The following TBX5 variants were observed in gnomAD, a reference collection of about 807,000 sequenced individuals.
TBX5 encodes the protein T-box transcription factor TBX5.
A neutral mutation model predicts 51.1 loss-of-function variants in TBX5; 8 were observed. The observed-to-expected ratio is 0.16, with a 90% confidence interval of 0.09 to 0.28. TBX5 has a LOEUF of 0.28. TBX5 is among the 10% of genes least tolerant of loss of function. The pLI, the probability that TBX5 is intolerant of heterozygous loss-of-function variation, is 1.00. For synonymous variants in TBX5, 302 were observed against 266.4 expected (o/e 1.13, Z -1.30); for missense variants, 589 against 671.7 (o/e 0.88, Z 1.36).
rs760764305 is a variant in TBX5 at position 114,405,888 on chromosome 12, C to A, written c.-299G>T. 2.0e-6 allele frequency: 2 copies of A among 985,396 alleles called. No individual in the cohort carries two copies. The highest frequency in any genetic ancestry group is 2.4e-6 in the Non-Finnish European group (2 of 830,014). The allele number at this position is 985,396 out of a possible 1,614,324, so 61.0% of individuals were successfully genotyped here. A position where few individuals can be genotyped will look rare whatever the true frequency, so the allele number is the denominator to read the frequency against. Reference sequence around the variant, plus strand: ...CCCAGTTGGCAAGCGCCAAAGAACACAAAATAGCCTCCAAGAGCACCGGCA... The same window carrying A: ...CCCAGTTGGCAAGCGCCAAAGAACAAAAAATAGCCTCCAAGAGCACCGGCA... On this transcript the variant is annotated 5_prime_UTR_variant, in exon 1 of 9. Coordinates refer to ENST00000405440, the MANE Select transcript of TBX5 (RefSeq NM_181486.4).
Position 114,405,747 on chromosome 12 carries a change from C to G in TBX5, c.-158G>C, listed in dbSNP as rs930904177. ...GGTTTATGCGGGGTTTACTGCTTACCCAGAATAGCGGCTACTGCTGCCTAC... is the reference window on the plus strand; with the variant it reads ...GGTTTATGCGGGGTTTACTGCTTACGCAGAATAGCGGCTACTGCTGCCTAC... On this transcript the variant is annotated 5_prime_UTR_variant, in exon 1 of 9. Transcript: ENST00000405440. 4 of 985,496 alleles carry G rather than the reference C, an allele frequency of 4.1e-6. No homozygotes were observed. In the African/African-American group the frequency reaches 7.0e-5, roughly 17 times the overall value. 61.0% of individuals were successfully genotyped at this position (985,496 alleles called of 1,614,324 possible).
At chr12:114,370,277 AGAAAAGAAAAGAAAG>A (rs1458581325) in intron 7 of TBX5, among the ~76,000 whole-genome samples, 2,871 of 74,002 alleles carry the variant, frequency 0.039, 170 homozygotes, top group African/African-American at 0.063. Flanking sequence ...AGAAAAGAAA[AGAAAAGAAAAGAAAG>A]AAAAGAAAAG....
rs553075305 is a variant in TBX5 at position 114,398,856 on chromosome 12, C to T, written c.363-136G>A. On this transcript the variant is annotated intron_variant, in intron 4 of 8. Transcript: ENST00000405440. ...GGGAATAATCTGGAGGCTCTCCCGT[C>T]TCCCTTAGGTATCTGCAATCCCAGC... The T allele has an allele frequency of 3.6e-6, 4 of 1,120,750 alleles. No individual in the cohort carries two copies. In the East Asian group the frequency reaches 1.0e-4, roughly 29 times the overall value. The allele number at this position is 1,120,750 out of a possible 1,614,324, so 69.4% of individuals were successfully genotyped here. A position where few individuals can be genotyped will look rare whatever the true frequency, so the allele number is the denominator to read the frequency against.
rs1278852605 is a variant in TBX5 at position 114,356,046 on chromosome 12, C to T, written c.1043G>A (p.Ser348Asn). Residue 348 changes from serine (S) to asparagine (N), a missense_variant, in exon 9 of 9, where the codon AGT becomes AAT. By Grantham distance (46) the Ser-to-Asn change is conservative (BLOSUM62 1). Around this residue, in one of 7 missense-constraint regions of TBX5, gnomAD observed 348 missense variants for 360.4 expected, o/e 0.97. Transcript: ENST00000405440. Reference protein sequence around the residue: ...YKKPYMETSPSEEDSFYRSSY... With the variant: ...YKKPYMETSPNEEDSFYRSSY... ...AGAGCGGTAGAAGGAATCTTCTTCA[C>T]TGGGTGATGTCTCCATGTAGGGCTT... 3 of 1,614,058 alleles carry T rather than the reference C, an allele frequency of 1.9e-6. No homozygotes were observed. The highest frequency in any genetic ancestry group is 1.7e-6 in the Non-Finnish European group (2 of 1,180,034).
intron 8 of TBX5, among the ~76,000 whole-genome samples, chr12:114,359,495 T>A (rs970059170): frequency 9.2e-5 from 14 of 152,224 alleles, no homozygotes; most frequent in South Asian, 2.1e-4. Context: ...ATGAGATGAG[T>A]CCACAACTCG....
chr12:114,363,397 C>T (rs1869347452), intron 8 of TBX5, among the ~76,000 whole-genome samples: 1 of 152,160 alleles, frequency 6.6e-6, no homozygotes, highest in Admixed American at 6.5e-5. Flanking sequence ...TCAAAGCCTC[C>T]CTGCCGCATC....
chr12:114,401,062 G>A lies in TBX5; in HGVS notation c.242+764C>T, dbSNP rs1205641229. Among the ~76,000 whole-genome samples the A allele has an allele frequency of 2.0e-5, 3 of 152,100 alleles. No individual in the cohort carries two copies. In the South Asian group the frequency reaches 6.2e-4, roughly 32 times the overall value. ...GCACGGGTAGGGATGTGGCCAGGAC[G>A]TCCCCAGGCCTGGGCGCGCGCGTGC... On this transcript the variant is annotated intron_variant, in intron 3 of 8. Coordinates refer to ENST00000405440, the MANE Select transcript of TBX5 (RefSeq NM_181486.4).
intron 7 of TBX5, among the ~76,000 whole-genome samples, 166 bp from the exon 8 acceptor site, chr12:114,366,557 T>C (rs953210556): frequency 1.3e-5 from 2 of 152,226 alleles, no homozygotes; most frequent in African/African-American, 4.8e-5. Context: ...CCATCATATT[T>C]CACAAATGTA....
intron 7 of TBX5, among the ~76,000 whole-genome samples, chr12:114,370,278 GA>G (rs1468716215): frequency 4.6e-3 from 265 of 57,574 alleles, no homozygotes; most frequent in African/African-American, 0.012. Flanking sequence ...GAAAAGAAAA[GA>G]AAAGAAAAGA....
chr12:114,396,264 GCCGA>G (rs1256802777), intron 5 of TBX5, among the ~76,000 whole-genome samples: 2 of 151,728 alleles, frequency 1.3e-5, no homozygotes, highest in Admixed American at 6.6e-5. Flanking sequence ...CGATAGCGAC[GCCGA>G]CCGGGGCGGC....
In TBX5 at chr12:114,370,167, G is replaced by T. The variant is rs4344542; in HGVS notation, c.756-3776C>A. Among the ~76,000 whole-genome samples the T allele has an allele frequency of 5.3e-5, 8 of 151,406 alleles. No homozygotes were observed. The East Asian group carries it at 7.8e-4, about 15-fold the overall frequency. ...AATCACTTGAACCTGGGAGGTGGAG[G>T]TTGCAATGAGCCAAGATAGCACCAT... On this transcript the variant is annotated intron_variant, in intron 7 of 8. Transcript: ENST00000405440.
intron 8 of TBX5, among the ~76,000 whole-genome samples, chr12:114,361,803 A>T (rs1869256228): frequency 6.6e-6 from 1 of 152,134 alleles, no homozygotes; most frequent in Admixed American, 6.5e-5. Flanking sequence ...GAGGCTGATG[A>T]TGAATTGCTA....
At chr12:114,395,154 A>C (rs950059885) in intron 5 of TBX5, among the ~76,000 whole-genome samples, 6 of 152,210 alleles carry the variant, frequency 3.9e-5, no homozygotes, top group Non-Finnish European at 5.9e-5. Flanking sequence ...AATTCTTAAT[A>C]AAGTTTGCTT....
intron 5 of TBX5, among the ~76,000 whole-genome samples, chr12:114,395,191 C>T (rs937604331): frequency 1.3e-5 from 2 of 152,170 alleles, no homozygotes; most frequent in Non-Finnish European, 2.9e-5. Flanking sequence ...GCATAGGGCA[C>T]TTCCCACCCC....
At position 114,353,914 on chromosome 12, in the gene TBX5, G is replaced by T. The variant is rs1384571912; in HGVS notation, c.*1618C>A. 6.6e-6 allele frequency: 1 copy of T among 152,396 alleles called. No homozygotes were observed. The highest frequency in any genetic ancestry group is 1.5e-5 in the Non-Finnish European group (1 of 68,004). The allele number at this position is 152,396 out of a possible 1,614,324, so 9.4% of individuals were successfully genotyped here. On this transcript the variant is annotated 3_prime_UTR_variant, in exon 9 of 9. Coordinates refer to ENST00000405440, the MANE Select transcript of TBX5 (RefSeq NM_181486.4). ...AAAGAACAGGAAAAAAAAAAAATGG[G>T]TGTTCAACTTCCTTGTACTTGTTTA...
At position 114,355,438 on chromosome 12, in the gene TBX5, G is replaced by A; in HGVS notation, c.*94C>T. On this transcript the variant is annotated 3_prime_UTR_variant, in exon 9 of 9. Coordinates refer to ENST00000405440, the MANE Select transcript of TBX5 (RefSeq NM_181486.4). ...GGGTGAAATGAAAAATCTTGTCCGT[G>A]GGGTTCTCTTGGCTACTGTCTCTCT... 2 of 1,475,364 alleles carry A rather than the reference G, an allele frequency of 1.4e-6. No individual in the cohort carries two copies. Among genetic ancestry groups the A allele is most frequent in the African/African-American group, 1.4e-5 (1 of 72,078 alleles). 91.4% of individuals were successfully genotyped at this position (1,475,364 alleles called of 1,614,324 possible). A position where few individuals can be genotyped will look rare whatever the true frequency, so the allele number is the denominator to read the frequency against.
intron 7 of TBX5, among the ~76,000 whole-genome samples, chr12:114,371,937 G>T (rs1869932583): frequency 6.6e-6 from 1 of 152,062 alleles, no homozygotes; most frequent in Admixed American, 6.5e-5. Context: ...TCTGCAAAGT[G>T]CTTACTCAGT....
chr12:114,382,632 T>C (rs1031473145), intron 7 of TBX5, among the ~76,000 whole-genome samples: 3 of 151,996 alleles, frequency 2.0e-5, no homozygotes, highest in African/African-American at 7.2e-5. Context: ...ACTCCGTCTC[T>C]ACTAAAACAC....
At chr12:114,386,515 A>G (rs1870824427) in intron 6 of TBX5, among the ~76,000 whole-genome samples, 4 of 152,258 alleles carry the variant, frequency 2.6e-5, no homozygotes, top group Admixed American at 2.6e-4. Context: ...TGCCATATCT[A>G]TACAGCACCT....
Sources: gnomAD v4.1 joint callset for allele counts (sites outside exome capture counted in the v4.1 genomes callset) on GRCh38, gnomAD v4.1.1 for gene constraint, gnomAD v4.1.1 regional missense constraint, MANE v1.5 for transcripts, NCBI Gene and HGNC (gene_info 2026-07-23, HGNC 2026-07-21) for gene names.